Variants in DLG2 observed in about 807,000 individuals in gnomAD.
DLG2 encodes discs large MAGUK scaffold protein 2, also known as disks large homolog 2.
DLG2 carries 45 observed loss-of-function variants against 132.5 expected under a neutral mutation model. The observed-to-expected ratio is 0.34, with a 90% CI of 0.27 to 0.44. The LOEUF (loss-of-function observed/expected upper bound fraction) is 0.44, where lower values mean the gene tolerates loss of function less well. DLG2 is among the 20% of genes least tolerant of loss of function. DLG2 has a pLI of 1.00. For synonymous variants in DLG2, 424 were observed against 419.6 expected, an observed-to-expected ratio of 1.01 and a Z score of -0.13; for missense variants, 1,045 against 1,196.9, an observed-to-expected ratio of 0.87 and a Z score of 1.87.
At chr11:85,270,405 T>G (rs145356757) in intron 4 of DLG2, among the ~76,000 whole-genome samples, 1,804 of 152,270 alleles carry the variant, frequency 0.012, 45 homozygotes, top group African/African-American at 0.042. Context: ...ACCTCTTTCT[T>G]TTGTCAATTG....
At chr11:84,710,032 C>T (rs1393521288) in intron 6 of DLG2, among the ~76,000 whole-genome samples, 1 of 151,824 alleles carries the variant, frequency 6.6e-6, no homozygotes, top group Non-Finnish European at 1.5e-5. Context: ...CTGTATGGGC[C>T]CTCATCTGAT....
At chr11:85,600,889 C>T (rs543704367) in intron 2 of DLG2, among the ~76,000 whole-genome samples, 3 of 152,286 alleles carry the variant, frequency 2.0e-5, no homozygotes, top group Non-Finnish European at 4.4e-5. Flanking sequence ...TACTTTATCA[C>T]TTTCTTATCA....
intron 6 of DLG2, among the ~76,000 whole-genome samples, chr11:85,060,588 A>G (rs1207404418): frequency 6.6e-6 from 1 of 151,540 alleles, no homozygotes; most frequent in African/African-American, 2.4e-5. Context: ...CCCAATGGAC[A>G]TTTAGGTTGT....
intron 9 of DLG2, among the ~76,000 whole-genome samples, chr11:84,117,736 C>A (rs965824690): frequency 6.6e-6 from 1 of 152,150 alleles, no homozygotes; most frequent in South Asian, 2.1e-4. Context: ...AATTTATGGG[C>A]ACCTCTAACC....
At chr11:85,450,473 AC>A (rs1438942983) in intron 3 of DLG2, among the ~76,000 whole-genome samples, 6 of 152,132 alleles carry the variant, frequency 3.9e-5, no homozygotes, top group African/African-American at 1.4e-4. Context: ...ATCAGCAACC[AC>A]CTACAATTCT....
chr11:84,612,148 A>G (rs1056111859), intron 6 of DLG2, among the ~76,000 whole-genome samples: 2 of 152,128 alleles, frequency 1.3e-5, no homozygotes, highest in African/African-American at 4.8e-5. Flanking sequence ...TGAGTTTTCT[A>G]GAATTTCATA....
chr11:84,280,867 ATTTTTTTTTTTTT>A (rs35970331), intron 7 of DLG2, among the ~76,000 whole-genome samples: 1 of 67,708 alleles, frequency 1.5e-5, no homozygotes, highest in African/African-American at 5.9e-5. Flanking sequence ...TGCCCAGCCA[ATTTTTTTTTTTTT>A]TTTTTTTTTT....
In DLG2 at chr11:83,811,718, T is replaced by G. The variant is rs144837876; in HGVS notation, c.1722+21896A>C. 2.6e-5 allele frequency among the ~76,000 whole-genome samples: 4 copies of G among 152,218 alleles called. No homozygotes were observed. The East Asian group carries it at 7.7e-4, about 29-fold the overall frequency. ...GGAAATGTGAAAAGGGACATTAAAG[T>G]CTTATGTATTGTTGGCTATCAGGGA... is the stretch of plus-strand genomic sequence containing the variant. On this transcript the variant is annotated intron_variant, in intron 17 of 27. Coordinates refer to ENST00000376104, the MANE Select transcript of DLG2 (RefSeq NM_001142699.3).
intron 17 of DLG2, among the ~76,000 whole-genome samples, chr11:83,822,431 T>G (rs2051086788): frequency 6.6e-6 from 1 of 152,136 alleles, no homozygotes; most frequent in Non-Finnish European, 1.5e-5. Flanking sequence ...TACCCAGTGT[T>G]CAGATATGCT....
intron 7 of DLG2, among the ~76,000 whole-genome samples, chr11:84,324,510 G>T (rs182765450): frequency 1.3e-5 from 2 of 152,014 alleles, no homozygotes; most frequent in African/African-American, 2.4e-5. Flanking sequence ...TCTTTCTCAT[G>T]ATTGTTTTGG....
At chr11:84,371,588 A>G (rs990094732) in intron 7 of DLG2, among the ~76,000 whole-genome samples, 2 of 152,138 alleles carry the variant, frequency 1.3e-5, no homozygotes, top group Non-Finnish European at 2.9e-5. Context: ...TGCTTATTCT[A>G]TTGGTCAGAA....
chr11:85,179,802 A>G (rs867765279), intron 4 of DLG2, among the ~76,000 whole-genome samples: 5 of 151,906 alleles, frequency 3.3e-5, no homozygotes, highest in Non-Finnish European at 5.9e-5. Flanking sequence ...AACAACATAA[A>G]TGTTAATAAC....
intron 18 of DLG2, among the ~76,000 whole-genome samples, chr11:83,771,360 C>A (rs1258878107): frequency 1.3e-5 from 2 of 152,132 alleles, no homozygotes; most frequent in African/African-American, 4.8e-5. Context: ...TCAAATATTT[C>A]TTTTTCTTTT....
At chr11:83,840,508 G>A (rs1316144581) in intron 16 of DLG2, among the ~76,000 whole-genome samples, 1 of 152,194 alleles carries the variant, frequency 6.6e-6, no homozygotes, top group Non-Finnish European at 1.5e-5. Context: ...AAAGCAGGAT[G>A]AGAAGGAAAT....
intron 6 of DLG2, among the ~76,000 whole-genome samples, chr11:84,758,820 C>T (rs968394845): frequency 2.6e-5 from 4 of 152,100 alleles, no homozygotes; most frequent in South Asian, 2.1e-4. Context: ...TTGAAAAGCT[C>T]GTAAAGATTA....
At chr11:84,518,720 AG>A (rs1254643008) in intron 7 of DLG2, among the ~76,000 whole-genome samples, 25 of 152,152 alleles carry the variant, frequency 1.6e-4, no homozygotes, top group African/African-American at 5.8e-4. Context: ...ACCCAGTGAC[AG>A]CAGCAATTTT....
chr11:84,305,073 T>C lies in DLG2; in HGVS notation c.520-53782A>G, dbSNP rs533094200. Among the ~76,000 whole-genome samples, 3 of 152,296 alleles carry C rather than the reference T, an allele frequency of 2.0e-5. No homozygotes were observed. The South Asian group carries it at 6.2e-4, about 32-fold the overall frequency. ...AAAAAAAAAGTAGTTTATATTAAAA[T>C]AGTGTGTTGAAAACATAGTGCAGGT... is the stretch of plus-strand genomic sequence containing the variant. On this transcript the variant is annotated intron_variant, in intron 7 of 27. Coordinates refer to ENST00000376104, the MANE Select transcript of DLG2 (RefSeq NM_001142699.3).
At chr11:85,556,039 C>A (rs2076926932) in intron 3 of DLG2, among the ~76,000 whole-genome samples, 1 of 151,318 alleles carries the variant, frequency 6.6e-6, no homozygotes, top group Admixed American at 6.6e-5. Flanking sequence ...GATCTATTGT[C>A]AGTCATTTCA....
intron 7 of DLG2, among the ~76,000 whole-genome samples, chr11:84,332,633 C>T (rs1017075542): frequency 4.6e-5 from 7 of 151,746 alleles, no homozygotes; most frequent in Non-Finnish European, 7.4e-5. Context: ...CGTGAGCCAC[C>T]GCGCCTGGCC....
Sources: allele counts gnomAD v4.1 joint callset (sites outside exome capture counted in the v4.1 genomes callset), GRCh38; gene constraint gnomAD v4.1.1; transcripts MANE v1.5; gene names NCBI Gene and HGNC (gene_info 2026-07-23, HGNC 2026-07-21).